DACH2: variants seen among roughly 807,000 people sequenced by gnomAD.
The protein encoded by DACH2 is dachshund family transcription factor 2, also known as dachshund homolog 2.
In DACH2, 17 loss-of-function variants were observed where a neutral mutation model predicts 35.8. That is an observed-to-expected ratio of 0.48 (90% CI 0.33 to 0.71). DACH2 has a LOEUF of 0.71. Among genes scored for constraint, DACH2 ranks in the 30% least tolerant of loss-of-function variants. The pLI is 0.02. For missense variants in DACH2, 469 were observed against 472.7 expected (o/e 0.99, Z 0.07); for synonymous variants, 195 against 177.3 (o/e 1.10, Z -0.79).
chrX:86,740,012 G>A, intron 7 of DACH2, 130 bp downstream of exon 7: 1 of 616,561 alleles, frequency 1.6e-6, no homozygotes, highest in Non-Finnish European at 2.3e-6. Context: ...TTTGAAATTT[G>A]GTCTTTTGTA....
intron 1 of DACH2, among the ~76,000 whole-genome samples, chrX:86,297,463 G>T (rs1212897293): frequency 1.8e-5 from 2 of 112,134 alleles, no homozygotes; most frequent in African/African-American, 6.5e-5. Context: ...ATGTGGTCCT[G>T]TAATTATATG....
At chrX:86,630,457 A>G (rs1161700276) in intron 3 of DACH2, among the ~76,000 whole-genome samples, 1 of 109,963 alleles carries the variant, frequency 9.1e-6, no homozygotes. Context: ...AGCTTGTGGC[A>G]TATGATAAGT....
At chrX:86,265,833 A>G (rs2033701849) in intron 1 of DACH2, among the ~76,000 whole-genome samples, 1 of 111,902 alleles carries the variant, frequency 8.9e-6, no homozygotes, top group Non-Finnish European at 1.9e-5. Flanking sequence ...AGAGCTATCT[A>G]TAAAATACAC....
At chrX:86,326,161 T>C (rs1273304741) in intron 1 of DACH2, among the ~76,000 whole-genome samples, 1 of 111,567 alleles carries the variant, frequency 9.0e-6, no homozygotes, top group Non-Finnish European at 1.9e-5. Flanking sequence ...ATGCAATCTG[T>C]AGCCCTTGTT....
Position 86,684,791 on chromosome X carries a change from C to A in DACH2, c.773-10230C>A, listed in dbSNP as rs1041938488. Among the ~76,000 whole-genome samples, 3 of 110,390 alleles carry A rather than the reference C, an allele frequency of 2.7e-5. No homozygotes were observed. In the South Asian group the frequency reaches 1.1e-3, roughly 42 times the overall value. On this transcript the variant is annotated intron_variant, in intron 4 of 11. Transcript: ENST00000373125. ...CATTTAAATTTTTTGTAATTCAAGG[C>A]AGTCATTGAAACTCTATGTTCATAC...
At position 86,217,256 on chromosome X, in the gene DACH2, A is replaced by G. The variant is rs763628938; in HGVS notation, c.488+68148A>G. ...CAGAAAAAGTAAAAATGAAATAAAT[A>G]TAGCAAGTAAAATGCTGTATCATCT... On this transcript the variant is annotated intron_variant, in intron 1 of 11. Coordinates refer to ENST00000373125, the MANE Select transcript of DACH2 (RefSeq NM_053281.3). 8.7e-4 allele frequency among the ~76,000 whole-genome samples: 97 copies of G among 111,556 alleles called. 2 individuals carry two copies. The highest frequency in any genetic ancestry group is 3.0e-4 in the Non-Finnish European group (16 of 53,112).
At chrX:86,425,856 C>G (rs2036885142) in intron 2 of DACH2, among the ~76,000 whole-genome samples, 1 of 110,316 alleles carries the variant, frequency 9.1e-6, no homozygotes, top group African/African-American at 3.3e-5. Flanking sequence ...GCTCCCCGGG[C>G]AACATCAAAT....
chrX:86,512,628 A>T (rs1026763153), intron 2 of DACH2, among the ~76,000 whole-genome samples: 1 of 112,135 alleles, frequency 8.9e-6, no homozygotes, highest in African/African-American at 3.2e-5. Context: ...AGGTGTGTTT[A>T]AATAAAGTTA....
chrX:86,725,578 G>C (rs181248458), intron 6 of DACH2, among the ~76,000 whole-genome samples: 510 of 111,213 alleles, frequency 4.6e-3, no homozygotes, highest in Non-Finnish European at 8.3e-3. Context: ...TTAGTCCCCA[G>C]AGCAGCTTAC....
rs140289131 is a variant in DACH2 at position 86,611,686 on chromosome X, G to A, written c.641-39350G>A. On this transcript the variant is annotated intron_variant, in intron 3 of 11. Transcript: ENST00000373125. Reference sequence around the variant, plus strand: ...TGCATTCAGCCCGGTTTTCCTTACCGCTGTGACAGGGCAGCACTAAATTCA... The same window carrying A: ...TGCATTCAGCCCGGTTTTCCTTACCACTGTGACAGGGCAGCACTAAATTCA... 3.6e-4 allele frequency among the ~76,000 whole-genome samples: 40 copies of A among 110,883 alleles called. No homozygotes were observed. The East Asian group carries it at 8.9e-3, about 25-fold the overall frequency.
At chrX:86,738,881 A>G (rs1240926702) in intron 6 of DACH2, among the ~76,000 whole-genome samples, 1 of 111,443 alleles carries the variant, frequency 9.0e-6, no homozygotes, top group African/African-American at 3.3e-5. Context: ...AAATATGTAT[A>G]CTTTTTTTGA....
intron 4 of DACH2, among the ~76,000 whole-genome samples, chrX:86,669,798 A>G (rs2040742753): frequency 9.0e-6 from 1 of 111,257 alleles, no homozygotes; most frequent in Non-Finnish European, 1.9e-5. Context: ...ATTTTCCTAA[A>G]CCCTGGGTTC....
chrX:86,795,311 G>T (rs149775635), intron 7 of DACH2, among the ~76,000 whole-genome samples: 1 of 103,469 alleles, frequency 9.7e-6, no homozygotes, highest in Non-Finnish European at 2.0e-5. Flanking sequence ...TCTGCTCACT[G>T]CAAGTTCCAT....
intron 2 of DACH2, among the ~76,000 whole-genome samples, chrX:86,503,581 A>G (rs11797035): frequency 0.21 from 23,135 of 111,572 alleles, 2,289 homozygotes; most frequent in Middle Eastern, 0.45. Flanking sequence ...CAGATCCACA[A>G]TGGTCATGGC....
At chrX:86,469,854 G>T (rs1042838573) in intron 2 of DACH2, among the ~76,000 whole-genome samples, 2 of 110,437 alleles carry the variant, frequency 1.8e-5, no homozygotes, top group African/African-American at 3.3e-5. Flanking sequence ...GTGTGTGTGT[G>T]TGTGTGTGTG....
intron 1 of DACH2, among the ~76,000 whole-genome samples, chrX:86,249,360 A>G (rs1182312898): frequency 1.8e-5 from 2 of 111,534 alleles, no homozygotes; most frequent in East Asian, 5.6e-4. Context: ...TGAACAAGAA[A>G]AAGAAACACC....
intron 1 of DACH2, among the ~76,000 whole-genome samples, chrX:86,242,860 G>T (rs1246267516): frequency 4.5e-5 from 5 of 111,309 alleles, no homozygotes; most frequent in Non-Finnish European, 5.7e-5. Flanking sequence ...TCTTTCTCCT[G>T]CTCCATTTTG....
chrX:86,178,907 A>T (rs761160187), intron 1 of DACH2, among the ~76,000 whole-genome samples: 8 of 112,109 alleles, frequency 7.1e-5, no homozygotes, highest in African/African-American at 2.6e-4. Context: ...GAATAAAATG[A>T]AACAGTTTTC....
At chrX:86,306,404 G>A (rs971544687) in intron 1 of DACH2, among the ~76,000 whole-genome samples, 2 of 111,972 alleles carry the variant, frequency 1.8e-5, no homozygotes, top group African/African-American at 3.2e-5. Context: ...GTTGATGTCT[G>A]TGATGGTTAA....
Sources: allele counts gnomAD v4.1 joint callset (sites outside exome capture counted in the v4.1 genomes callset), GRCh38; gene constraint gnomAD v4.1.1; transcripts MANE v1.5; gene names NCBI Gene and HGNC (gene_info 2026-07-23, HGNC 2026-07-21).